TNFRSF10C: variants seen among roughly 807,000 people sequenced by gnomAD.
The protein encoded by TNFRSF10C is TNF receptor superfamily member 10c.
Under a neutral mutation model 16.7 loss-of-function variants are expected in TNFRSF10C, and 17 were observed. The ratio of observed to expected loss-of-function variants is 1.02; its 90% CI spans 0.70 to 1.53. The LOEUF is 1.53. Ranked by LOEUF, TNFRSF10C falls within the 40% of genes most tolerant of loss-of-function variation. TNFRSF10C has a pLI of 0.00. For synonymous variants in TNFRSF10C, 73 were observed against 119.7 expected (o/e 0.61, Z 2.55); for missense variants, 237 against 329.7 (o/e 0.72, Z 2.18).
At chr8:23,116,466 G>T (rs1280292369) in intron 4 of TNFRSF10C, among the ~76,000 whole-genome samples, 175 bp from the exon 5 acceptor site, 1 of 152,204 alleles carries the variant, frequency 6.6e-6, no homozygotes, top group Non-Finnish European at 1.5e-5. Context: ...AAATGCGCAT[G>T]CTCAGACCCT....
Position 23,117,226 on chromosome 8 carries a change from C to T in TNFRSF10C, c.*195C>T, listed in dbSNP as rs975267376. Reference sequence around the variant, plus strand: ...TTCCTCCTTGTGATCGTCCCATCCCCACATCCCGTGCACCCCCCAGGACCC... The same window carrying T: ...TTCCTCCTTGTGATCGTCCCATCCCTACATCCCGTGCACCCCCCAGGACCC... On this transcript the variant is annotated 3_prime_UTR_variant, in exon 5 of 5. Coordinates refer to ENST00000356864, the MANE Select transcript of TNFRSF10C (RefSeq NM_003841.5). The T allele has an allele frequency of 3.6e-6, 3 of 834,692 alleles. No individual in the cohort carries two copies. The highest frequency in any genetic ancestry group is 1.7e-5 in the African/African-American group (1 of 58,150). The allele number at this position is 834,692 out of a possible 1,614,324, so 51.7% of individuals were successfully genotyped here. A position where few individuals can be genotyped will look rare whatever the true frequency, so the allele number is the denominator to read the frequency against.
chr8:23,112,810 G>A lies in TNFRSF10C; in HGVS notation c.166+985G>A, dbSNP rs144951380. ...GAAGATATCTCTTCAATATACTGAC[G>A]TCATTTCCTTTGGATGTATACCCAA... On this transcript the variant is annotated intron_variant, in intron 2 of 4. Coordinates refer to ENST00000356864, the MANE Select transcript of TNFRSF10C (RefSeq NM_003841.5). Among the ~76,000 whole-genome samples the A allele has an allele frequency of 4.5e-3, 684 of 152,218 alleles. 8 individuals carry two copies. The highest frequency in any genetic ancestry group is 0.016 in the African/African-American group (652 of 41,522).
chr8:23,113,256 A>G (rs1388302292), intron 2 of TNFRSF10C, among the ~76,000 whole-genome samples: 1 of 151,920 alleles, frequency 6.6e-6, no homozygotes, highest in Admixed American at 6.6e-5. Context: ...TTGTCTCTTC[A>G]CTCTGTTCAT....
At chr8:23,109,772 A>G (rs1448305666) in intron 1 of TNFRSF10C, among the ~76,000 whole-genome samples, 3 of 152,164 alleles carry the variant, frequency 2.0e-5, no homozygotes, top group Admixed American at 1.3e-4. Flanking sequence ...CACAGAAAGA[A>G]CTGAGAAAAC....
chr8:23,114,836 G>C, intron 3 of TNFRSF10C, 66 bp downstream of exon 3: 1 of 1,416,286 alleles, frequency 7.1e-7, no homozygotes, highest in Non-Finnish European at 1.0e-6. Context: ...AGTTGTAGCC[G>C]ATATGAGTCA....
At chr8:23,111,480 G>T (rs1355021831) in intron 1 of TNFRSF10C, among the ~76,000 whole-genome samples, 1 of 150,786 alleles carries the variant, frequency 6.6e-6, no homozygotes, top group Non-Finnish European at 1.5e-5. Context: ...CTTCCACATT[G>T]CTGGGATTAC....
intron 1 of TNFRSF10C, among the ~76,000 whole-genome samples, chr8:23,103,856 T>A (rs1272149547): frequency 1.3e-5 from 2 of 152,192 alleles, no homozygotes; most frequent in Non-Finnish European, 2.9e-5. Context: ...ATATTATGTA[T>A]AAAATATGCA....
chr8:23,103,451 G>C, intron 1 of TNFRSF10C: 1 of 607,222 alleles, frequency 1.6e-6, no homozygotes, highest in Non-Finnish European at 2.9e-6. Flanking sequence ...GAGGGAGGGA[G>C]TCAAGGTGGA....
At chr8:23,110,770 T>C (rs1269047454) in intron 1 of TNFRSF10C, among the ~76,000 whole-genome samples, 1 of 152,226 alleles carries the variant, frequency 6.6e-6, no homozygotes, top group Admixed American at 6.5e-5. Context: ...ATATATATTA[T>C]AACCTTCATT....
At chr8:23,111,099 T>C (rs1313781048) in intron 1 of TNFRSF10C, among the ~76,000 whole-genome samples, 1 of 152,202 alleles carries the variant, frequency 6.6e-6, no homozygotes, top group Non-Finnish European at 1.5e-5. Context: ...CTGGGCAACA[T>C]AGCAAGACTC....
At chr8:23,111,180 A>G (rs1290769142) in intron 1 of TNFRSF10C, among the ~76,000 whole-genome samples, 1 of 152,142 alleles carries the variant, frequency 6.6e-6, no homozygotes, top group African/African-American at 2.4e-5. Flanking sequence ...AATATGAGAA[A>G]AGGATACATA....
Position 23,115,515 on chromosome 8 carries a change from A to C in TNFRSF10C, c.288A>C (p.Lys96Asn). The C allele has an allele frequency of 6.2e-7, 1 of 1,612,594 alleles. No individual in the cohort carries two copies. Among genetic ancestry groups the C allele is most frequent in the Non-Finnish European group, 8.5e-7 (1 of 1,179,166 alleles). Reference sequence around the variant, plus strand: ...CTTATGCTCTGTTGTCAGATCAAAAACATAAAAGTTCCTGCACCATGACCA... The same window carrying C: ...CTTATGCTCTGTTGTCAGATCAAAACCATAAAAGTTCCTGCACCATGACCA... ...FPCTVCKSDQ[K>N]HKSSCTMTRD... The change falls in exon 4 of 5, where the codon AAA becomes AAC. Residue 96 changes from lysine (K) to asparagine (N), a missense_variant. Lys to Asn is a moderately conservative substitution (Grantham distance 94, BLOSUM62 0). Around this residue, in one of 2 missense-constraint regions of TNFRSF10C, gnomAD observed 212 missense variants for 196.8 expected, o/e 1.08. Coordinates refer to ENST00000356864, the MANE Select transcript of TNFRSF10C (RefSeq NM_003841.5).
chr8:23,107,700 C>A (rs1813803972), intron 1 of TNFRSF10C, among the ~76,000 whole-genome samples: 1 of 152,190 alleles, frequency 6.6e-6, no homozygotes, highest in Non-Finnish European at 1.5e-5. Flanking sequence ...TTAGACTAGA[C>A]AATCATAGCT....
intron 1 of TNFRSF10C, among the ~76,000 whole-genome samples, chr8:23,108,373 T>C (rs529927863): frequency 6.6e-6 from 1 of 152,326 alleles, no homozygotes; most frequent in South Asian, 2.1e-4. Context: ...TCAAGTGTTT[T>C]CTATGTATTA....
At chr8:23,110,290 C>T (rs899641587) in intron 1 of TNFRSF10C, among the ~76,000 whole-genome samples, 14 of 152,118 alleles carry the variant, frequency 9.2e-5, no homozygotes, top group Non-Finnish European at 1.5e-4. Flanking sequence ...GCTAGTCAGG[C>T]TTTGATGTGG....
At chr8:23,111,506 C>T (rs913640607) in intron 1 of TNFRSF10C, among the ~76,000 whole-genome samples, 7 of 124,920 alleles carry the variant, frequency 5.6e-5, no homozygotes, top group African/African-American at 1.6e-4. Flanking sequence ...TGAGCCATCG[C>T]GCTTGCCTGT....
In TNFRSF10C at chr8:23,117,292, A is replaced by C; in HGVS notation, c.*261A>C. The stretch of plus-strand genomic sequence containing the variant: ...CTCTCCTGGAGCTGGGGGTCCACAC[A>C]TCTCCCAGCCAAGTCCAAGAGGGCA... On this transcript the variant is annotated 3_prime_UTR_variant, in exon 5 of 5. Transcript: ENST00000356864. The C allele has an allele frequency of 1.8e-6, 1 of 567,964 alleles. No individual in the cohort carries two copies. The highest frequency in any genetic ancestry group is 3.1e-5 in the East Asian group (1 of 32,630). 35.2% of individuals were successfully genotyped at this position (567,964 alleles called of 1,614,324 possible).
At chr8:23,111,192 G>C (rs1322978215) in intron 1 of TNFRSF10C, among the ~76,000 whole-genome samples, 6 of 151,784 alleles carry the variant, frequency 4.0e-5, no homozygotes, top group Non-Finnish European at 5.9e-5. Context: ...GGATACATAA[G>C]TGTTTTTCTT....
intron 1 of TNFRSF10C, among the ~76,000 whole-genome samples, chr8:23,109,154 G>C (rs12550101): frequency 6.6e-6 from 1 of 151,644 alleles, no homozygotes; most frequent in Admixed American, 6.6e-5. Flanking sequence ...GGGAGTTACT[G>C]CTGAAGGGTA....
Sources: gnomAD v4.1 joint callset for allele counts (sites outside exome capture counted in the v4.1 genomes callset) on GRCh38, gnomAD v4.1.1 for gene constraint, gnomAD v4.1.1 regional missense constraint, MANE v1.5 for transcripts, NCBI Gene and HGNC (gene_info 2026-07-23, HGNC 2026-07-21) for gene names.